The following HOOK3 variants were observed in gnomAD, a reference collection of about 807,000 sequenced individuals.
HOOK3 encodes hook microtubule tethering protein 3, also known as protein Hook homolog 3.
HOOK3 carries 24 observed loss-of-function variants against 116.3 expected under a neutral mutation model. That is an observed-to-expected ratio of 0.21 (90% CI 0.15 to 0.29). HOOK3 has a LOEUF of 0.29. Among genes scored for constraint, HOOK3 ranks in the 10% least tolerant of loss-of-function variants. The probability of loss-of-function intolerance (pLI) is 1.00; values close to 1 mark genes in which losing one functional copy is unlikely to be tolerated. For missense variants in HOOK3, 632 were observed against 830.2 expected, an observed-to-expected ratio of 0.76 and a Z score of 2.93; for synonymous variants, 275 against 283.0, an observed-to-expected ratio of 0.97 and a Z score of 0.28.
intron 2 of HOOK3, among the ~76,000 whole-genome samples, chr8:42,913,005 G>T (rs911572241): frequency 1.3e-5 from 2 of 152,098 alleles, no homozygotes; most frequent in African/African-American, 4.8e-5. Context: ...CATACACCAT[G>T]TAACCTTTTC....
chr8:42,935,409 T>G (rs891926736), intron 4 of HOOK3, among the ~76,000 whole-genome samples: 2 of 152,202 alleles, frequency 1.3e-5, no homozygotes, highest in African/African-American at 4.8e-5. Flanking sequence ...ATCTCATTTG[T>G]CAATTTTGGC....
At chr8:42,934,162 C>G (rs1203792484) in intron 4 of HOOK3, among the ~76,000 whole-genome samples, 2 of 151,942 alleles carry the variant, frequency 1.3e-5, no homozygotes, top group Non-Finnish European at 2.9e-5. Flanking sequence ...CTTTAATTAT[C>G]TAACCCTTTC....
intron 17 of HOOK3, 41 bp from the exon 18 acceptor site, chr8:43,007,806 T>C: frequency 7.9e-7 from 1 of 1,271,772 alleles, no homozygotes; most frequent in Non-Finnish European, 1.1e-6. Flanking sequence ...TGGAAAAAAT[T>C]ACAGAAGCAG....
chr8:42,897,491 C>T (rs1243366666), intron 1 of HOOK3, among the ~76,000 whole-genome samples: 3 of 152,206 alleles, frequency 2.0e-5, no homozygotes, highest in African/African-American at 4.8e-5. Context: ...GCCTGACTGC[C>T]CCGCGTCCAG....
At chr8:42,967,791 G>T (rs1041504750) in intron 10 of HOOK3, among the ~76,000 whole-genome samples, 2 of 151,442 alleles carry the variant, frequency 1.3e-5, no homozygotes, top group African/African-American at 4.8e-5. Context: ...ATGTGACTCT[G>T]CTGGCTGCCC....
At chr8:42,982,761 C>A in intron 14 of HOOK3, 65 bp downstream of exon 14, 1 of 1,005,436 alleles carries the variant, frequency 9.9e-7, no homozygotes. Flanking sequence ...TACTTCTCTA[C>A]AATATGAAGA....
intron 15 of HOOK3, among the ~76,000 whole-genome samples, chr8:42,994,889 G>C (rs1809236104): frequency 6.6e-6 from 1 of 152,204 alleles, no homozygotes; most frequent in African/African-American, 2.4e-5. Flanking sequence ...CTTCCGCCTA[G>C]TTGGCTTACA....
intron 2 of HOOK3, among the ~76,000 whole-genome samples, chr8:42,920,804 A>G (rs910468447): frequency 1.4e-4 from 22 of 152,238 alleles, no homozygotes; most frequent in African/African-American, 5.3e-4. Flanking sequence ...TTCCTTAACT[A>G]TAACATAAGG....
chr8:42,952,159 C>T (rs951152149), intron 6 of HOOK3, among the ~76,000 whole-genome samples: 3 of 152,186 alleles, frequency 2.0e-5, no homozygotes, highest in African/African-American at 4.8e-5. Context: ...GTCATCTGAC[C>T]AACTGCCTAC....
chr8:42,986,842 T>C, intron 15 of HOOK3, 47 bp downstream of exon 15: 5 of 1,588,896 alleles, frequency 3.1e-6, no homozygotes, highest in Non-Finnish European at 4.3e-6. Flanking sequence ...TTTCCCTATT[T>C]GCCTTGATTC....
chr8:42,972,754 A>G (rs548464720), intron 11 of HOOK3, among the ~76,000 whole-genome samples: 14 of 152,270 alleles, frequency 9.2e-5, no homozygotes, highest in African/African-American at 3.1e-4. Flanking sequence ...CCAGCTGATG[A>G]AATTTTTTTT....
At chr8:42,992,586 C>T (rs1350333151) in intron 15 of HOOK3, among the ~76,000 whole-genome samples, 1 of 146,194 alleles carries the variant, frequency 6.8e-6, no homozygotes, top group Admixed American at 6.9e-5. Flanking sequence ...TGTGGTGGTG[C>T]ACACCTGTAG....
chr8:42,992,526 G>A (rs1586625536), intron 15 of HOOK3, among the ~76,000 whole-genome samples: 1 of 151,042 alleles, frequency 6.6e-6, no homozygotes. Context: ...GACCATCCTG[G>A]CCAACATGGT....
chr8:43,002,240 C>A, intron 17 of HOOK3, 99 bp downstream of exon 17: 1 of 827,122 alleles, frequency 1.2e-6, no homozygotes, highest in Admixed American at 2.2e-5. Flanking sequence ...ACAGGTGGCC[C>A]TTGAAGAAAT....
chr8:42,925,026 G>A (rs1807736131), intron 2 of HOOK3, among the ~76,000 whole-genome samples: 1 of 151,980 alleles, frequency 6.6e-6, no homozygotes, highest in African/African-American at 2.4e-5. Flanking sequence ...TAACAGTCAA[G>A]TTGACTTCTA....
At chr8:42,935,273 G>A (rs1440528596) in intron 4 of HOOK3, among the ~76,000 whole-genome samples, 2 of 151,858 alleles carry the variant, frequency 1.3e-5, no homozygotes, top group African/African-American at 4.8e-5. Flanking sequence ...TAAGTTCCTT[G>A]TGGATTCTGG....
chr8:42,936,353 C>T (rs927672246), intron 4 of HOOK3, among the ~76,000 whole-genome samples: 2 of 152,184 alleles, frequency 1.3e-5, no homozygotes, highest in South Asian at 2.1e-4. Context: ...AATTTGGCTT[C>T]CTCTCTTTCT....
intron 1 of HOOK3, among the ~76,000 whole-genome samples, chr8:42,901,207 G>A (rs1807182050): frequency 6.6e-6 from 1 of 152,108 alleles, no homozygotes; most frequent in African/African-American, 2.4e-5. Flanking sequence ...TGCTTTTGTT[G>A]GGGAGGGGGA....
At chr8:42,964,039 C>T (rs1320680265) in intron 8 of HOOK3, among the ~76,000 whole-genome samples, 1 of 152,130 alleles carries the variant, frequency 6.6e-6, no homozygotes, top group Non-Finnish European at 1.5e-5. Context: ...AACCACATCT[C>T]TACTAAAAAC....
Sources: gnomAD v4.1 joint callset for allele counts (sites outside exome capture counted in the v4.1 genomes callset) on GRCh38, gnomAD v4.1.1 for gene constraint, MANE v1.5 for transcripts, NCBI Gene and HGNC (gene_info 2026-07-23, HGNC 2026-07-21) for gene names.